Variants in STAM observed in about 807,000 individuals in gnomAD.
The protein encoded by STAM is signal transducing adaptor molecule.
Under a neutral mutation model 63.4 loss-of-function variants are expected in STAM, and 16 were observed. The ratio of observed to expected loss-of-function variants is 0.25; its 90% CI spans 0.17 to 0.38. The LOEUF (loss-of-function observed/expected upper bound fraction) is 0.38, where lower values mean the gene tolerates loss of function less well. Among genes scored for constraint, STAM ranks in the 10% least tolerant of loss-of-function variants. STAM has a pLI of 1.00. For missense variants in STAM, 636 were observed against 657.1 expected (o/e 0.97, Z 0.35); for synonymous variants, 238 against 223.9 (o/e 1.06, Z -0.56).
In STAM at chr10:17,644,181, C is replaced by T. The variant is rs1421405066; in HGVS notation, c.-159C>T. ...CTGTTGCCGCCGCCGCAGCTGCTGC[C>T]GCGGTTGGTGGGGTTGGGTGAGAGG... On this transcript the variant is annotated 5_prime_UTR_variant, in exon 1 of 14. Coordinates refer to ENST00000377524, the MANE Select transcript of STAM (RefSeq NM_003473.4). 20 of 726,574 alleles carry T rather than the reference C, an allele frequency of 2.8e-5. No homozygotes were observed. Among genetic ancestry groups the T allele is most frequent in the Non-Finnish European group, 4.4e-5 (19 of 428,398 alleles). 45.0% of individuals were successfully genotyped at this position (726,574 alleles called of 1,614,324 possible).
At chr10:17,707,810 A>C (rs1399958763) in intron 12 of STAM, among the ~76,000 whole-genome samples, 2 of 151,894 alleles carry the variant, frequency 1.3e-5, no homozygotes, top group African/African-American at 2.4e-5. Flanking sequence ...GGTAGTTAAG[A>C]CTTCAATCTC....
At chr10:17,651,464 G>C (rs1212851509) in intron 1 of STAM, among the ~76,000 whole-genome samples, 1 of 152,208 alleles carries the variant, frequency 6.6e-6, no homozygotes, top group Non-Finnish European at 1.5e-5. Context: ...ACATAGGAGA[G>C]AAATGTGAAA....
intron 12 of STAM, among the ~76,000 whole-genome samples, chr10:17,705,976 G>C (rs1005452019): frequency 6.6e-6 from 1 of 151,998 alleles, no homozygotes; most frequent in Admixed American, 6.6e-5. Context: ...GCTGAGGTGG[G>C]AGGATAGCTT....
intron 2 of STAM, among the ~76,000 whole-genome samples, chr10:17,682,309 C>G (rs1442742624): frequency 6.6e-6 from 1 of 152,066 alleles, no homozygotes; most frequent in African/African-American, 2.4e-5. Flanking sequence ...TATCAATATT[C>G]CTGTTTCTTG....
In STAM at chr10:17,644,220, G is replaced by C. The variant is rs1441938065; in HGVS notation, c.-120G>C. 9.1e-7 allele frequency: 1 copy of C among 1,093,036 alleles called. No individual in the cohort carries two copies. Among genetic ancestry groups the C allele is most frequent in the African/African-American group, 1.6e-5 (1 of 64,236 alleles). 67.7% of individuals were successfully genotyped at this position (1,093,036 alleles called of 1,614,324 possible). On this transcript the variant is annotated 5_prime_UTR_variant, in exon 1 of 14. Transcript: ENST00000377524. The stretch of plus-strand genomic sequence containing the variant: ...TTGGGTGAGAGGAGGAGCTGTCGCG[G>C]ACCCTGTAGAGTCGGTCTCTGTTGC...
chr10:17,644,516 C>A, intron 1 of STAM, 137 bp downstream of exon 1: 1 of 1,051,452 alleles, frequency 9.5e-7, no homozygotes, highest in Non-Finnish European at 1.4e-6. Context: ...CTCCCTCCTT[C>A]AGAGCTGGGA....
At chr10:17,681,688 AATTT>A (rs1269948070) in intron 2 of STAM, among the ~76,000 whole-genome samples, 2 of 152,134 alleles carry the variant, frequency 1.3e-5, no homozygotes, top group African/African-American at 4.8e-5. Flanking sequence ...ATGTTATCTG[AATTT>A]ATTGGGAGGC....
chr10:17,678,366 T>C (rs143360720), intron 2 of STAM, among the ~76,000 whole-genome samples: 11,358 of 152,122 alleles, frequency 0.075, 457 homozygotes, highest in Middle Eastern at 0.12. Context: ...GCGATTCTCC[T>C]GCCTCAGCCT....
At chr10:17,662,535 A>T (rs1834213487) in intron 2 of STAM, among the ~76,000 whole-genome samples, 1 of 152,204 alleles carries the variant, frequency 6.6e-6, no homozygotes, top group Non-Finnish European at 1.5e-5. Flanking sequence ...TTAGATATAA[A>T]CCTAGTAGAT....
intron 1 of STAM, among the ~76,000 whole-genome samples, chr10:17,651,370 T>C (rs1554821531): frequency 6.6e-6 from 1 of 152,236 alleles, no homozygotes; most frequent in African/African-American, 2.4e-5. Context: ...AACCAATGGA[T>C]ACGTTTTAGC....
At chr10:17,663,060 T>A (rs1403633108) in intron 2 of STAM, among the ~76,000 whole-genome samples, 1 of 152,184 alleles carries the variant, frequency 6.6e-6, no homozygotes, top group Non-Finnish European at 1.5e-5. Flanking sequence ...TGCTTGAAGT[T>A]GTTTGTCAAA....
chr10:17,695,614 A>G (rs1835724941), intron 7 of STAM: 1 of 161,668 alleles, frequency 6.2e-6, no homozygotes. Context: ...TTTTTTACAC[A>G]GAACAGTATA....
intron 10 of STAM, 78 bp downstream of exon 10, chr10:17,704,596 T>G: frequency 8.1e-7 from 1 of 1,232,966 alleles, no homozygotes; most frequent in Non-Finnish European, 1.2e-6. Flanking sequence ...GAATGGGTTT[T>G]GAGGATAATA....
intron 1 of STAM, among the ~76,000 whole-genome samples, chr10:17,659,540 C>G (rs1310891878): frequency 7.4e-6 from 1 of 134,746 alleles, no homozygotes; most frequent in Non-Finnish European, 1.5e-5. Flanking sequence ...ACGATCATAG[C>G]TAACTTCAGC....
chr10:17,704,708 C>T (rs1158796588), intron 10 of STAM, among the ~76,000 whole-genome samples, 190 bp downstream of exon 10: 5 of 152,074 alleles, frequency 3.3e-5, no homozygotes, highest in Non-Finnish European at 4.4e-5. Flanking sequence ...TCTATCCAAA[C>T]GAAGTGTTCT....
intron 1 of STAM, among the ~76,000 whole-genome samples, chr10:17,644,924 A>G (rs1175828831): frequency 1.3e-5 from 2 of 152,194 alleles, no homozygotes; most frequent in Admixed American, 1.3e-4. Flanking sequence ...ATACTTGGCA[A>G]CGACTGAAAC....
chr10:17,646,631 T>G (rs1194783758), intron 1 of STAM, among the ~76,000 whole-genome samples: 1 of 152,222 alleles, frequency 6.6e-6, no homozygotes, highest in Non-Finnish European at 1.5e-5. Flanking sequence ...AAGCTTACTT[T>G]TTAAAGTTGC....
chr10:17,689,978 A>T (rs1202396025), intron 5 of STAM, among the ~76,000 whole-genome samples: 1 of 152,252 alleles, frequency 6.6e-6, no homozygotes, highest in African/African-American at 2.4e-5. Context: ...TTACTCTTGT[A>T]AGAAAAGGAA....
intron 2 of STAM, among the ~76,000 whole-genome samples, chr10:17,682,233 A>T (rs1459855526): frequency 3.9e-5 from 6 of 152,246 alleles, no homozygotes; most frequent in Admixed American, 2.6e-4. Context: ...AAAATGAAAT[A>T]GTATTGTCAG....
Sources: allele counts gnomAD v4.1 joint callset (sites outside exome capture counted in the v4.1 genomes callset), GRCh38; gene constraint gnomAD v4.1.1; transcripts MANE v1.5; gene names NCBI Gene and HGNC (gene_info 2026-07-23, HGNC 2026-07-21).